Variants in ZCWPW2 observed in about 807,000 individuals in gnomAD.
ZCWPW2 encodes zinc finger CW-type and PWWP domain containing 2, also known as zinc finger CW-type PWWP domain protein 2.
ZCWPW2 carries 45 observed loss-of-function variants against 46.6 expected under a neutral mutation model. The ratio of observed to expected loss-of-function variants is 0.96; its 90% confidence interval spans 0.76 to 1.24. The LOEUF (loss-of-function observed/expected upper bound fraction) is 1.24. Among genes scored for constraint, ZCWPW2 ranks in the 50% most tolerant of loss-of-function variants. The pLI is 0.00. For missense variants in ZCWPW2, 429 were observed against 403.9 expected (o/e 1.06, Z -0.53); for synonymous variants, 152 against 137.1 (o/e 1.11, Z -0.76).
chr3:28,355,726 C>A (rs890370496), intron 1 of ZCWPW2, among the ~76,000 whole-genome samples: 13 of 152,202 alleles, frequency 8.5e-5, no homozygotes, highest in Admixed American at 6.5e-4. Flanking sequence ...CTTTGACAAA[C>A]CTGACAGAAA....
At chr3:28,515,714 C>CCT (rs1484336927) in intron 8 of ZCWPW2, 93 bp downstream of exon 8, 42 of 945,742 alleles carry the variant, frequency 4.4e-5, no homozygotes, top group Admixed American at 6.4e-5. Context: ...AAAAAGATTT[C>CCT]CTGTGTGTGT....
chr3:28,445,077 T>C (rs989326333), intron 4 of ZCWPW2, among the ~76,000 whole-genome samples: 10 of 151,880 alleles, frequency 6.6e-5, no homozygotes, highest in Non-Finnish European at 1.3e-4. Flanking sequence ...CTTAATATTC[T>C]ATTCCTCTGG....
At chr3:28,427,526 C>T (rs1575120916) in intron 3 of ZCWPW2, among the ~76,000 whole-genome samples, 1 of 152,132 alleles carries the variant, frequency 6.6e-6, no homozygotes, top group Non-Finnish European at 1.5e-5. Context: ...GTGACAATAT[C>T]TTTCACAATT....
At chr3:28,467,654 C>CTGTT (rs953060433) in intron 4 of ZCWPW2, among the ~76,000 whole-genome samples, 16 of 152,166 alleles carry the variant, frequency 1.1e-4, no homozygotes, top group Admixed American at 2.0e-4. Flanking sequence ...GAGCAAGACT[C>CTGTT]TGTTTGTTTG....
rs997979115 is a variant in ZCWPW2 at position 28,409,415 on chromosome 3, C to T, written c.-13-3641C>T. ...GATTATAGGCATGAGGAACCATGCC[C>T]GGCCACTGTTTTCTCCCTTTCTCTC... On this transcript the variant is annotated intron_variant, in intron 2 of 9. Coordinates refer to ENST00000383768, the MANE Select transcript of ZCWPW2 (RefSeq NM_001040432.4). Among the ~76,000 whole-genome samples the T allele has an allele frequency of 1.4e-4, 22 of 152,034 alleles. 1 individual carries two copies. The highest frequency in any genetic ancestry group is 3.1e-4 in the African/African-American group (13 of 41,376).
chr3:28,446,589 A>G (rs1366622735), intron 4 of ZCWPW2, among the ~76,000 whole-genome samples: 1 of 152,088 alleles, frequency 6.6e-6, no homozygotes, highest in Non-Finnish European at 1.5e-5. Context: ...TTTCAAATCA[A>G]CAACTTAACT....
At chr3:28,407,737 A>C (rs1169218173) in intron 2 of ZCWPW2, among the ~76,000 whole-genome samples, 1 of 152,216 alleles carries the variant, frequency 6.6e-6, no homozygotes, top group Non-Finnish European at 1.5e-5. Context: ...TTTCTAGTTC[A>C]ATATAACTAA....
chr3:28,521,106 T>A lies in ZCWPW2; in HGVS notation c.899T>A (p.Met300Lys). ...SEEGHGEEIN[M>K]GEKLSKCSPE... is the part of the protein sequence containing the mutation. Reference sequence around the variant, plus strand: ...GAAGGACATGGAGAGGAAATAAATATGGGAGAAAAGGTAATATTGATAGTT... The same window carrying A: ...GAAGGACATGGAGAGGAAATAAATAAGGGAGAAAAGGTAATATTGATAGTT... Residue 300 changes from methionine to lysine, a missense_variant, in exon 9 of 10, where the codon ATG (methionine) becomes AAG (lysine). By Grantham distance (95) the Met-to-Lys change is moderately conservative (BLOSUM62 -1). Coordinates refer to ENST00000383768, the MANE Select transcript of ZCWPW2 (RefSeq NM_001040432.4). 1 of 1,602,628 alleles carries A rather than the reference T, an allele frequency of 6.2e-7. No homozygotes were observed. Among genetic ancestry groups the A allele is most frequent in the Non-Finnish European group, 8.5e-7 (1 of 1,176,978 alleles).
At chr3:28,364,121 A>G (rs1705036946) in intron 1 of ZCWPW2, among the ~76,000 whole-genome samples, 1 of 152,216 alleles carries the variant, frequency 6.6e-6, no homozygotes, top group African/African-American at 2.4e-5. Flanking sequence ...AAAAAGACTG[A>G]TAGTATCAAC....
intron 4 of ZCWPW2, among the ~76,000 whole-genome samples, chr3:28,448,391 G>A (rs762202091): frequency 1.3e-4 from 19 of 152,000 alleles, no homozygotes; most frequent in Non-Finnish European, 1.5e-4. Context: ...TCAAATACTT[G>A]TACAATGAAA....
chr3:28,431,878 A>G (rs1697271647), intron 3 of ZCWPW2, among the ~76,000 whole-genome samples: 1 of 152,166 alleles, frequency 6.6e-6, no homozygotes, highest in East Asian at 1.9e-4. Flanking sequence ...ACAGTTCAGC[A>G]TGGCTGGGGA....
chr3:28,397,843 A>G (rs965165427), intron 2 of ZCWPW2, among the ~76,000 whole-genome samples: 5 of 152,200 alleles, frequency 3.3e-5, no homozygotes, highest in African/African-American at 1.2e-4. Flanking sequence ...AGAACTATTT[A>G]TTAGGACTCT....
intron 4 of ZCWPW2, among the ~76,000 whole-genome samples, chr3:28,465,462 T>C (rs1432089785): frequency 6.6e-6 from 1 of 152,200 alleles, no homozygotes; most frequent in Non-Finnish European, 1.5e-5. Flanking sequence ...TTTGTTAACT[T>C]CTCAAAATAA....
intron 6 of ZCWPW2, among the ~76,000 whole-genome samples, chr3:28,511,587 T>A (rs977045069): frequency 6.6e-6 from 1 of 152,156 alleles, no homozygotes; most frequent in Admixed American, 6.6e-5. Flanking sequence ...TGAACATGCT[T>A]AATGGGTTTA....
intron 1 of ZCWPW2, among the ~76,000 whole-genome samples, chr3:28,365,858 T>G (rs1705103817): frequency 7.1e-6 from 1 of 141,370 alleles, no homozygotes; most frequent in Admixed American, 7.6e-5. Context: ...GAAGAGGTCC[T>G]TCATCTCCCG....
At position 28,365,555 on chromosome 3, in the gene ZCWPW2, G is replaced by T. The variant is rs143472505; in HGVS notation, c.-134+16352G>T. Among the ~76,000 whole-genome samples the T allele has an allele frequency of 2.1e-4, 30 of 140,524 alleles. 2 individuals are homozygous for T. In the East Asian group the frequency reaches 4.3e-3, roughly 20 times the overall value. The allele number at this position is 140,524 out of a possible 152,430, so 92.2% of individuals were successfully genotyped here. On this transcript the variant is annotated intron_variant, in intron 1 of 9. Coordinates refer to ENST00000383768, the MANE Select transcript of ZCWPW2 (RefSeq NM_001040432.4). ...TGCTGTTTTGGTTACCGTAGCCTTG[G>T]AGTATAGTTTGAAGTCAGGTAGCGT... is the stretch of plus-strand genomic sequence containing the variant.
intron 8 of ZCWPW2, among the ~76,000 whole-genome samples, chr3:28,517,421 G>A (rs1188026133): frequency 1.3e-5 from 2 of 152,160 alleles, no homozygotes; most frequent in African/African-American, 2.4e-5. Flanking sequence ...GGTAAAGGGG[G>A]AACAGGCATG....
chr3:28,486,935 A>C (rs1202653463), intron 5 of ZCWPW2, among the ~76,000 whole-genome samples: 1 of 151,324 alleles, frequency 6.6e-6, no homozygotes, highest in Non-Finnish European at 1.5e-5. Context: ...TCAACACTTT[A>C]TTTTGTTCAA....
intron 3 of ZCWPW2, among the ~76,000 whole-genome samples, chr3:28,426,024 G>T (rs1284003250): frequency 6.6e-6 from 1 of 151,988 alleles, no homozygotes; most frequent in Non-Finnish European, 1.5e-5. Context: ...CAGGAGAATT[G>T]CTTGAACCTG....
Sources: allele counts gnomAD v4.1 joint callset (sites outside exome capture counted in the v4.1 genomes callset), GRCh38; gene constraint gnomAD v4.1.1; transcripts MANE v1.5; gene names NCBI Gene and HGNC (gene_info 2026-07-23, HGNC 2026-07-21).